Variants in DNAH12 observed in about 807,000 individuals in gnomAD.
DNAH12 encodes dynein axonemal heavy chain 12.
DNAH12 carries 285 observed loss-of-function variants against 371.5 expected under a neutral mutation model. The ratio of observed to expected loss-of-function variants is 0.77; its 90% CI spans 0.70 to 0.85. The LOEUF is 0.85. Ranked by LOEUF, DNAH12 falls within the 40% of genes least tolerant of loss-of-function variation. DNAH12 has a pLI of 0.00. For synonymous variants in DNAH12, 1,200 were observed against 1,213.0 expected, an observed-to-expected ratio of 0.99 and a Z score of 0.22; for missense variants, 3,611 against 3,689.4, an observed-to-expected ratio of 0.98 and a Z score of 0.55.
chr3:57,398,476 G>A (rs956107620), intron 43 of DNAH12, among the ~76,000 whole-genome samples: 6 of 152,112 alleles, frequency 3.9e-5, no homozygotes, highest in Non-Finnish European at 8.8e-5. Flanking sequence ...TGAAGTCATA[G>A]AAATCCACAT....
At chr3:57,302,602 G>GTTTTTTTT (rs2061384256) in intron 69 of DNAH12, among the ~76,000 whole-genome samples, 1 of 49,976 alleles carries the variant, frequency 2.0e-5, no homozygotes, top group Non-Finnish European at 3.7e-5. Flanking sequence ...TTGAGACAGA[G>GTTTTTTTT]TTTCATTCTG....
At chr3:57,491,731 T>C (rs955841326) in intron 11 of DNAH12, among the ~76,000 whole-genome samples, 1 of 150,388 alleles carries the variant, frequency 6.6e-6, no homozygotes, top group African/African-American at 2.5e-5. Flanking sequence ...AAGCCAGGAG[T>C]TCAAGATCAG....
chr3:57,425,551 G>A (rs561670312), intron 34 of DNAH12, among the ~76,000 whole-genome samples: 1 of 152,260 alleles, frequency 6.6e-6, no homozygotes, highest in East Asian at 1.9e-4. Flanking sequence ...TGACAGGCAT[G>A]AGCCACCACA....
intron 8 of DNAH12, among the ~76,000 whole-genome samples, chr3:57,507,187 T>C (rs929663157): frequency 2.6e-5 from 4 of 152,098 alleles, no homozygotes; most frequent in African/African-American, 9.7e-5. Context: ...TTTCATAAAA[T>C]TAAAAATTCC....
chr3:57,319,133 T>C (rs1004767476), intron 65 of DNAH12, among the ~76,000 whole-genome samples: 1 of 152,206 alleles, frequency 6.6e-6, no homozygotes, highest in Non-Finnish European at 1.5e-5. Flanking sequence ...GGTACTATTA[T>C]AAATGGGATT....
chr3:57,466,930 T>C (rs1035927136), intron 17 of DNAH12, among the ~76,000 whole-genome samples: 4 of 151,716 alleles, frequency 2.6e-5, no homozygotes, highest in African/African-American at 9.7e-5. Context: ...TAATTTTTTA[T>C]TTTTTGTAGA....
At position 57,405,046 on chromosome 3, in the gene DNAH12, A is replaced by G. The variant is rs782651247; in HGVS notation, c.6678T>C (p.His2226=). 2.6e-5 allele frequency: 40 copies of G among 1,546,848 alleles called. No individual in the cohort carries two copies. Among genetic ancestry groups the G allele is most frequent in the Non-Finnish European group, 3.5e-5 (40 of 1,145,506 alleles). Residue 2226 remains histidine, a synonymous_variant, in exon 42 of 74, where the codon CAT becomes CAC. Coordinates refer to ENST00000495027, the MANE Select transcript of DNAH12 (RefSeq NM_001366028.2). ...AGCACTGGTCCACAACATCACTAAA[A>G]TGATGAATATTTGGAATTTCAATAT... ...RVYIEIPNIH[H]FSDVVDQCLD... is the part of the protein sequence containing the mutation.
Position 57,501,336 on chromosome 3 carries a change from A to G in DNAH12, c.1320T>C (p.Phe440=). ...IETFQTEDHT[F]DEYTEFIEKF... is the part of the protein sequence containing the mutation. Reference sequence around the variant, plus strand: ...TACCGCTTACCTCTGTATATTCATCAAAAGTATGATCTTCTGTCTGAAAAG... The same window carrying G: ...TACCGCTTACCTCTGTATATTCATCGAAAGTATGATCTTCTGTCTGAAAAG... Residue 440 remains phenylalanine, a synonymous_variant, in exon 11 of 74, where the codon TTT becomes TTC. Coordinates refer to ENST00000495027, the MANE Select transcript of DNAH12 (RefSeq NM_001366028.2). 6.3e-7 allele frequency: 1 copy of G among 1,598,966 alleles called. No homozygotes were observed. Among genetic ancestry groups the G allele is most frequent in the Non-Finnish European group, 8.5e-7 (1 of 1,175,734 alleles).
chr3:57,551,874 C>T, the DNAH12 span, among the ~76,000 whole-genome samples: 5 of 147,714 alleles, frequency 3.4e-5, no homozygotes, highest in African/African-American at 1.2e-4. Context: ...AGTATATAAA[C>T]TTAAGTTTAA....
intron 44 of DNAH12, among the ~76,000 whole-genome samples, chr3:57,393,244 G>A: frequency 2.0e-5 from 3 of 152,262 alleles, no homozygotes; most frequent in Middle Eastern, 6.8e-3. Flanking sequence ...TGGAGGTTGG[G>A]AATTAAATAT....
intron 71 of DNAH12, 108 bp downstream of exon 71, chr3:57,296,734 TACAAC>T (rs1227698757): frequency 2.4e-6 from 3 of 1,229,302 alleles, no homozygotes; most frequent in Non-Finnish European, 3.3e-6. Context: ...CAAATATTCT[TACAAC>T]ACAAAGAATG....
chr3:57,453,164 GAGA>G (rs1437026425), intron 24 of DNAH12, 80 bp downstream of exon 24: 32 of 1,470,286 alleles, frequency 2.2e-5, no homozygotes, highest in Admixed American at 5.8e-5. Context: ...ATTCTGTTGA[GAGA>G]AGAATACATA....
intron 56 of DNAH12, among the ~76,000 whole-genome samples, chr3:57,367,279 T>G (rs1015663570): frequency 6.6e-6 from 1 of 152,130 alleles, no homozygotes; most frequent in African/African-American, 2.4e-5. Context: ...GAGCTGAGAC[T>G]GCACCACTAC....
chr3:57,304,360 C>T (rs939951267), intron 69 of DNAH12, among the ~76,000 whole-genome samples: 3 of 152,278 alleles, frequency 2.0e-5, no homozygotes, highest in South Asian at 2.1e-4. Context: ...CCTATGACCT[C>T]GGGTCCTCAG....
intron 37 of DNAH12, among the ~76,000 whole-genome samples, chr3:57,415,987 C>T (rs187271755): frequency 1.4e-4 from 22 of 152,004 alleles, no homozygotes; most frequent in African/African-American, 4.6e-4. Flanking sequence ...CGGGTTTCAC[C>T]GTGTTGGCCA....
At chr3:57,331,440 A>G (rs2062092806) in intron 62 of DNAH12, among the ~76,000 whole-genome samples, 1 of 152,172 alleles carries the variant, frequency 6.6e-6, no homozygotes, top group South Asian at 2.1e-4. Flanking sequence ...GTCACTGTGT[A>G]TGTCTATACA....
At chr3:57,391,657 T>A (rs1417347699) in intron 45 of DNAH12, among the ~76,000 whole-genome samples, 1 of 152,228 alleles carries the variant, frequency 6.6e-6, no homozygotes, top group Non-Finnish European at 1.5e-5. Context: ...TAATCATGAT[T>A]ACTGACTGCT....
At chr3:57,319,735 C>T (rs572443871) in intron 65 of DNAH12, among the ~76,000 whole-genome samples, 1 of 147,522 alleles carries the variant, frequency 6.8e-6, no homozygotes, top group African/African-American at 2.5e-5. Context: ...TGCCACCACA[C>T]CTTGCTAATT....
At chr3:57,356,136 T>C (rs1004548002) in intron 59 of DNAH12, among the ~76,000 whole-genome samples, 69 of 152,228 alleles carry the variant, frequency 4.5e-4, no homozygotes, top group African/African-American at 1.5e-3. Context: ...AGTGCAAATA[T>C]CTAGAAAACT....
Sources: gnomAD v4.1 joint callset for allele counts (sites outside exome capture counted in the v4.1 genomes callset) on GRCh38, gnomAD v4.1.1 for gene constraint, MANE v1.5 for transcripts, NCBI Gene and HGNC (gene_info 2026-07-23, HGNC 2026-07-21) for gene names.